ADGRB3: variants seen among roughly 807,000 people sequenced by gnomAD.
ADGRB3 encodes the protein adhesion G protein-coupled receptor B3.
ADGRB3 carries 37 observed loss-of-function variants against 193.4 expected under a neutral mutation model. The ratio of observed to expected loss-of-function variants is 0.19; its 90% CI spans 0.15 to 0.25. The LOEUF (loss-of-function observed/expected upper bound fraction) is 0.25, where lower values mean the gene tolerates loss of function less well. Among genes scored for constraint, ADGRB3 ranks in the 10% least tolerant of loss-of-function variants. The pLI, the probability that ADGRB3 is intolerant of heterozygous loss-of-function variation, is 1.00. For missense variants in ADGRB3, 1,637 were observed against 1,852.9 expected, an observed-to-expected ratio of 0.88 and a Z score of 2.14; for synonymous variants, 690 against 644.2, an observed-to-expected ratio of 1.07 and a Z score of -1.08.
chr6:68,822,687 C>A (rs1767768612), intron 3 of ADGRB3, among the ~76,000 whole-genome samples: 1 of 151,884 alleles, frequency 6.6e-6, no homozygotes, highest in South Asian at 2.1e-4. Flanking sequence ...AAAAATCTTT[C>A]ATGTAAAGCT....
chr6:68,876,402 A>G (rs1230355951), intron 3 of ADGRB3, among the ~76,000 whole-genome samples: 1 of 152,198 alleles, frequency 6.6e-6, no homozygotes, highest in African/African-American at 2.4e-5. Context: ...CACAGAAGTG[A>G]AAGCAGTATT....
chr6:69,298,549 G>T (rs901305462), intron 20 of ADGRB3, among the ~76,000 whole-genome samples: 4 of 151,724 alleles, frequency 2.6e-5, no homozygotes, highest in Non-Finnish European at 4.4e-5. Flanking sequence ...GTATTAGCCT[G>T]CCCAGCATCT....
chr6:68,907,322 T>G (rs1224413018), intron 3 of ADGRB3, among the ~76,000 whole-genome samples: 1 of 151,986 alleles, frequency 6.6e-6, no homozygotes, highest in Non-Finnish European at 1.5e-5. Flanking sequence ...CTTTTATAAC[T>G]TTATTGTCTA....
At chr6:69,266,497 A>T (rs1767042574) in intron 20 of ADGRB3, among the ~76,000 whole-genome samples, 1 of 152,184 alleles carries the variant, frequency 6.6e-6, no homozygotes, top group Non-Finnish European at 1.5e-5. Context: ...TGTCCACAAA[A>T]GATTTATTAT....
chr6:69,135,706 C>T (rs1440140569), intron 17 of ADGRB3, among the ~76,000 whole-genome samples: 1 of 151,982 alleles, frequency 6.6e-6, no homozygotes, highest in Non-Finnish European at 1.5e-5. Flanking sequence ...TTGGAAAATT[C>T]AGCAACTTAT....
chr6:68,671,588 C>T (rs1466800166), intron 3 of ADGRB3, among the ~76,000 whole-genome samples: 1 of 151,932 alleles, frequency 6.6e-6, no homozygotes, highest in Non-Finnish European at 1.5e-5. Context: ...AATCATCTTT[C>T]TGTCCCAGGA....
At chr6:68,656,170 A>G (rs988752226) in intron 3 of ADGRB3, among the ~76,000 whole-genome samples, 1 of 151,606 alleles carries the variant, frequency 6.6e-6, no homozygotes, top group Non-Finnish European at 1.5e-5. Context: ...TCCATATTCT[A>G]TTTTTTAAAA....
At chr6:69,204,231 C>T (rs1765490473) in intron 17 of ADGRB3, among the ~76,000 whole-genome samples, 1 of 152,098 alleles carries the variant, frequency 6.6e-6, no homozygotes. Flanking sequence ...ATGTTTTTCT[C>T]TTTCCATGAA....
At chr6:69,300,018 A>G (rs1561981209) in intron 20 of ADGRB3, among the ~76,000 whole-genome samples, 1 of 151,786 alleles carries the variant, frequency 6.6e-6, no homozygotes, top group African/African-American at 2.4e-5. Flanking sequence ...AAAGACTACA[A>G]AAAAAGGAAA....
At chr6:68,664,928 AT>A in intron 3 of ADGRB3, among the ~76,000 whole-genome samples, 1 of 151,914 alleles carries the variant, frequency 6.6e-6, no homozygotes, top group East Asian at 2.0e-4. Context: ...GTTTAGTCTT[AT>A]ACACATTCTT....
At chr6:68,914,898 G>A (rs991306569) in intron 3 of ADGRB3, among the ~76,000 whole-genome samples, 2 of 152,036 alleles carry the variant, frequency 1.3e-5, no homozygotes, top group African/African-American at 2.4e-5. Context: ...AGCATATTTT[G>A]CTTCCCATAG....
intron 17 of ADGRB3, among the ~76,000 whole-genome samples, chr6:69,195,254 G>C (rs983860827): frequency 6.6e-6 from 1 of 152,082 alleles, no homozygotes; most frequent in Non-Finnish European, 1.5e-5. Context: ...CATGATCTGG[G>C]CTCAGGGGCT....
intron 3 of ADGRB3, among the ~76,000 whole-genome samples, chr6:68,892,673 G>T (rs1181449230): frequency 6.6e-6 from 1 of 152,054 alleles, no homozygotes; most frequent in Admixed American, 6.6e-5. Flanking sequence ...TATTGGCTGG[G>T]TGTTGATAAA....
chr6:68,989,106 A>T (rs1769161313), intron 10 of ADGRB3, among the ~76,000 whole-genome samples: 1 of 152,192 alleles, frequency 6.6e-6, no homozygotes, highest in African/African-American at 2.4e-5. Flanking sequence ...CATTGAATAT[A>T]AGTTTACAAT....
chr6:68,788,350 T>C (rs1469501405), intron 3 of ADGRB3, among the ~76,000 whole-genome samples: 1 of 152,218 alleles, frequency 6.6e-6, no homozygotes, highest in Non-Finnish European at 1.5e-5. Context: ...TTCTGGTATG[T>C]TGTGTCTTTG....
intron 17 of ADGRB3, among the ~76,000 whole-genome samples, chr6:69,199,872 A>G (rs1017828576): frequency 6.6e-6 from 1 of 152,138 alleles, no homozygotes; most frequent in Non-Finnish European, 1.5e-5. Context: ...TCTAGAATTA[A>G]AAGTGATTAT....
At chr6:69,212,354 G>A (rs1765684994) in intron 17 of ADGRB3, among the ~76,000 whole-genome samples, 1 of 152,092 alleles carries the variant, frequency 6.6e-6, no homozygotes, top group South Asian at 2.1e-4. Context: ...AGAAACATAA[G>A]ACTGTTTAAG....
At chr6:68,687,784 G>A (rs993475176) in intron 3 of ADGRB3, among the ~76,000 whole-genome samples, 4 of 152,054 alleles carry the variant, frequency 2.6e-5, no homozygotes, top group Non-Finnish European at 4.4e-5. Context: ...TAAGATCTGT[G>A]AGGGAAAAAA....
intron 3 of ADGRB3, among the ~76,000 whole-genome samples, chr6:68,921,261 A>G (rs1767036320): frequency 6.6e-6 from 1 of 152,214 alleles, no homozygotes; most frequent in South Asian, 2.1e-4. Flanking sequence ...TATGTTATGT[A>G]AAAGATACAT....
Sources: gnomAD v4.1 joint callset for allele counts (sites outside exome capture counted in the v4.1 genomes callset) on GRCh38, gnomAD v4.1.1 for gene constraint, MANE v1.5 for transcripts, NCBI Gene and HGNC (gene_info 2026-07-23, HGNC 2026-07-21) for gene names.